The following SPTBN4 variants were observed in gnomAD, a reference collection of about 807,000 sequenced individuals.
SPTBN4 encodes the protein spectrin beta chain, non-erythrocytic 4.
A neutral mutation model predicts 277.8 loss-of-function variants in SPTBN4; 96 were observed. That is an observed-to-expected ratio of 0.35 (90% CI 0.29 to 0.41). SPTBN4 has a LOEUF of 0.41. SPTBN4 is among the 10% of genes least tolerant of loss of function. SPTBN4 has a pLI of 1.00. For missense variants in SPTBN4, 3,006 were observed against 3,595.7 expected, an observed-to-expected ratio of 0.84 and a Z score of 4.19; for synonymous variants, 1,481 against 1,580.3, an observed-to-expected ratio of 0.94 and a Z score of 1.49.
At chr19:40,539,473 T>C (rs992580556) in intron 20 of SPTBN4, among the ~76,000 whole-genome samples, 1 of 152,192 alleles carries the variant, frequency 6.6e-6, no homozygotes, top group Non-Finnish European at 1.5e-5. Context: ...CTCTCCATGC[T>C]TCAGTTTCTT....
At position 40,564,004 on chromosome 19, in the gene SPTBN4, G is replaced by A. The variant is rs1263107575; in HGVS notation, c.5916-1419G>A. Among the ~76,000 whole-genome samples the A allele has an allele frequency of 2.6e-5, 4 of 151,250 alleles. No homozygotes were observed. In the East Asian group the frequency reaches 8.0e-4, roughly 30 times the overall value. Reference sequence around the variant, plus strand: ...GGAGGCTGCAGTGAGCCAAGATCACGCCATTGCACTCCAGCCTGGGCAAGA... The same window carrying A: ...GGAGGCTGCAGTGAGCCAAGATCACACCATTGCACTCCAGCCTGGGCAAGA... On this transcript the variant is annotated intron_variant, in intron 27 of 35. Coordinates refer to ENST00000598249, the MANE Select transcript of SPTBN4 (RefSeq NM_020971.3).
chr19:40,550,437 C>G lies in SPTBN4; in HGVS notation c.4674+110C>G, dbSNP rs1250286380. 3.1e-6 allele frequency: 3 copies of G among 963,454 alleles called. No homozygotes were observed. The African/African-American group carries it at 4.8e-5, about 15-fold the overall frequency. 59.7% of individuals were successfully genotyped at this position (963,454 alleles called of 1,614,324 possible). A position where few individuals can be genotyped will look rare whatever the true frequency, so the allele number is the denominator to read the frequency against. On this transcript the variant is annotated intron_variant, in intron 22 of 35. Transcript: ENST00000598249. ...TGAATGTATTGGCTTTTGGAATTAA[C>G]AAGACTGTGGACAGCAGATACAGAT...
chr19:40,509,130 C>G (rs1441697601), intron 13 of SPTBN4, among the ~76,000 whole-genome samples: 3 of 148,138 alleles, frequency 2.0e-5, no homozygotes, highest in Non-Finnish European at 3.0e-5. Flanking sequence ...CTATGTTACC[C>G]AGGCTGGTCT....
At chr19:40,556,529 T>C (rs963957502) in intron 25 of SPTBN4, among the ~76,000 whole-genome samples, 5 of 152,210 alleles carry the variant, frequency 3.3e-5, no homozygotes, top group Non-Finnish European at 7.3e-5. Context: ...TTTTTATTGT[T>C]ACTGTTTTGT....
intron 26 of SPTBN4, among the ~76,000 whole-genome samples, chr19:40,558,962 C>T (rs2081014381): frequency 6.9e-6 from 1 of 145,462 alleles, no homozygotes; most frequent in African/African-American, 2.5e-5. Context: ...GGCAGAGTCT[C>T]TCTTTGTCAC....
Position 40,472,696 on chromosome 19 carries a change from G to A in SPTBN4, c.75G>A (p.Trp25Ter). Reference sequence around the variant, plus strand: ...CTAACAACAACCCTGCTGCCCGCTGGGAGAGTCCGGATCGGGGCTGGGAGC... The same window carrying A: ...CTAACAACAACCCTGCTGCCCGCTGAGAGAGTCCGGATCGGGGCTGGGAGC... ...PAPNNNPAAR[W>*]ESPDRGWERE... The change falls in exon 2 of 36, where the codon TGG becomes TGA. Residue 25 changes from tryptophan to a stop codon, truncating the protein, a stop_gained. Transcript: ENST00000598249. LOFTEE classifies it high-confidence loss of function. 1 of 1,613,538 alleles carries A rather than the reference G, an allele frequency of 6.2e-7. No homozygotes were observed. Among genetic ancestry groups the A allele is most frequent in the Admixed American group, 1.7e-5 (1 of 59,948 alleles).
At chr19:40,566,696 G>A (rs965383409) in intron 30 of SPTBN4, among the ~76,000 whole-genome samples, 5 of 152,154 alleles carry the variant, frequency 3.3e-5, no homozygotes, top group East Asian at 1.9e-4. Flanking sequence ...CAGGTGTGAC[G>A]GCTCATGCCT....
Position 40,490,275 on chromosome 19 carries a change from C to G in SPTBN4, c.495+27C>G. 1 of 1,604,440 alleles carries G rather than the reference C, an allele frequency of 6.2e-7. No individual in the cohort carries two copies. Among genetic ancestry groups the G allele is most frequent in the East Asian group, 2.3e-5 (1 of 44,408 alleles). On this transcript the variant is annotated intron_variant, in intron 4 of 35. Coordinates refer to ENST00000598249, the MANE Select transcript of SPTBN4 (RefSeq NM_020971.3). The surrounding 1 kb of genome is among the most constrained non-coding windows in gnomAD (Gnocchi z 4.3). ...TGACCCTCGAGTGGCCCCTGCCAAG[C>G]CCCGCAACATGGGACTTAGGAAAGC...
chr19:40,524,749 A>T, intron 17 of SPTBN4: 1 of 389,870 alleles, frequency 2.6e-6, no homozygotes, highest in South Asian at 1.9e-5. Context: ...GAGTGTCTGC[A>T]TGTCTCTGTG....
intron 2 of SPTBN4, among the ~76,000 whole-genome samples, chr19:40,481,434 C>T (rs2080009340): frequency 6.6e-6 from 1 of 152,104 alleles, no homozygotes; most frequent in African/African-American, 2.4e-5. Flanking sequence ...ACCAGAGATT[C>T]AGTTACTGTG....
chr19:40,569,798 A>G, intron 32 of SPTBN4, 72 bp downstream of exon 32: 1 of 1,450,298 alleles, frequency 6.9e-7, no homozygotes, highest in Non-Finnish European at 9.4e-7. Context: ...TCTCAGAAAC[A>G]GCCAGTGCCT....
chr19:40,512,843 C>A lies in SPTBN4; in HGVS notation c.2054C>A (p.Ala685Glu). Residue 685 changes from alanine to glutamate, a missense_variant, in exon 14 of 36, where the codon GCG becomes GAG. By Grantham distance (107) the Ala-to-Glu change is moderately radical. Transcript: ENST00000598249. ...AAGAAGAAGT[A>E]GGAHDLSSTA... ...GGCGCAGCGGGCGCAGCGGGAACAG[C>A]GGGCGGCGCGCATGACCTGTCCAGC... The A allele has an allele frequency of 6.9e-7, 1 of 1,456,172 alleles. No individual in the cohort carries two copies. The highest frequency in any genetic ancestry group is 9.0e-7 in the Non-Finnish European group (1 of 1,117,232). The allele number at this position is 1,456,172 out of a possible 1,614,324, so 90.2% of individuals were successfully genotyped here. A position where few individuals can be genotyped will look rare whatever the true frequency, so the allele number is the denominator to read the frequency against.
intron 35 of SPTBN4, 172 bp downstream of exon 35, chr19:40,572,552 G>C: frequency 1.4e-6 from 1 of 739,834 alleles, no homozygotes; most frequent in Non-Finnish European, 2.2e-6. Context: ...TCCTAACCCA[G>C]TGGGGAGTGG....
Position 40,519,182 on chromosome 19 carries a change from A to C in SPTBN4, c.2904-219A>C, listed in dbSNP as rs909775969. On this transcript the variant is annotated intron_variant, in intron 15 of 35. Coordinates refer to ENST00000598249, the MANE Select transcript of SPTBN4 (RefSeq NM_020971.3). The surrounding 1 kb of genome is among the most constrained non-coding windows in gnomAD (Gnocchi z 5.7). The stretch of plus-strand genomic sequence containing the variant: ...ATGGCGTCTTAACACATTTTTATGA[A>C]GATAGTTTTGTCCTCTATCAGATTA... Among the ~76,000 whole-genome samples, 5 of 152,212 alleles carry C rather than the reference A, an allele frequency of 3.3e-5. No individual in the cohort carries two copies. The highest frequency in any genetic ancestry group is 6.5e-5 in the Admixed American group (1 of 15,276).
chr19:40,498,280 C>T (rs2080222934), intron 7 of SPTBN4, among the ~76,000 whole-genome samples: 1 of 152,134 alleles, frequency 6.6e-6, no homozygotes, highest in Non-Finnish European at 1.5e-5. Context: ...CTACTGTGTG[C>T]CAGACACATG....
At chr19:40,546,194 C>T (rs1208385645) in intron 20 of SPTBN4, among the ~76,000 whole-genome samples, 1 of 144,298 alleles carries the variant, frequency 6.9e-6, no homozygotes, top group African/African-American at 2.6e-5. Context: ...CATTGCACTC[C>T]AGCCTGGGCA....
intron 2 of SPTBN4, among the ~76,000 whole-genome samples, chr19:40,486,468 C>G (rs1053151640): frequency 6.6e-6 from 1 of 151,812 alleles, no homozygotes; most frequent in Admixed American, 6.6e-5. Context: ...CTCCCAAGGC[C>G]AAGCGATCCT....
Position 40,567,882 on chromosome 19 carries a change from G to T in SPTBN4, c.6556G>T (p.Glu2186Ter). 6.6e-7 allele frequency: 1 copy of T among 1,524,176 alleles called. No homozygotes were observed. The highest frequency in any genetic ancestry group is 8.8e-7 in the Non-Finnish European group (1 of 1,138,444). 94.4% of individuals were successfully genotyped at this position (1,524,176 alleles called of 1,614,324 possible). Reference sequence around the variant, plus strand: ...GTATGTGCGCCAGGAGCTCAAGCCCGAGCGCCTCCAGCCGCGCATTGACCG... The same window carrying T: ...GTATGTGCGCCAGGAGCTCAAGCCCTAGCGCCTCCAGCCGCGCATTGACCG... The part of the protein sequence containing the change: ...VGYVRQELKP[E>*]RLQPRIDRLP... Residue 2186 changes from glutamate (E) to a stop codon, truncating the protein, a stop_gained, in exon 31 of 36, where the codon GAG becomes TAG. Transcript: ENST00000598249. LOFTEE classifies it high-confidence loss of function.
At chr19:40,497,680 C>A in intron 7 of SPTBN4, 76 bp downstream of exon 7, 1 of 1,185,788 alleles carries the variant, frequency 8.4e-7, no homozygotes, top group Non-Finnish European at 1.2e-6. Context: ...CACTCAACTC[C>A]ATCCCACCCC....
Sources: allele counts gnomAD v4.1 joint callset (sites outside exome capture counted in the v4.1 genomes callset), GRCh38; gene constraint gnomAD v4.1.1; non-coding constraint Gnocchi (gnomAD v3.1); transcripts MANE v1.5; gene names NCBI Gene and HGNC (gene_info 2026-07-23, HGNC 2026-07-21).